Variants in GALM observed in about 807,000 individuals in gnomAD.
GALM encodes aldose 1-epimerase.
Under a neutral mutation model 37.4 loss-of-function variants are expected in GALM, and 43 were observed. That is an observed-to-expected ratio of 1.15 (90% confidence interval 0.90 to 1.48). The LOEUF is 1.48. Among genes scored for constraint, GALM ranks in the 40% most tolerant of loss-of-function variants. The pLI is 0.00. For missense variants in GALM, 456 were observed against 419.1 expected, an observed-to-expected ratio of 1.09 and a Z score of -0.77; for synonymous variants, 199 against 170.6, an observed-to-expected ratio of 1.17 and a Z score of -1.30.
At chr2:38,729,773 C>T in intron 5 of GALM, 76 bp downstream of exon 5, 1 of 1,237,924 alleles carries the variant, frequency 8.1e-7, no homozygotes, top group Non-Finnish European at 1.2e-6. Flanking sequence ...AGCTTTTCCT[C>T]TGGCCATATC....
intron 4 of GALM, among the ~76,000 whole-genome samples, chr2:38,690,174 G>A (rs1273909828): frequency 6.6e-6 from 1 of 152,136 alleles, no homozygotes; most frequent in East Asian, 1.9e-4. Context: ...TGGTGAGTAA[G>A]ATAATACTTT....
At chr2:38,719,634 G>C (rs1200055480) in intron 4 of GALM, among the ~76,000 whole-genome samples, 1 of 151,424 alleles carries the variant, frequency 6.6e-6, no homozygotes, top group African/African-American at 2.4e-5. Context: ...AATTAGCCAG[G>C]TGTGGTGGCG....
At chr2:38,693,635 C>T (rs543054171) in intron 4 of GALM, among the ~76,000 whole-genome samples, 1 of 152,134 alleles carries the variant, frequency 6.6e-6, no homozygotes, top group Non-Finnish European at 1.5e-5. Flanking sequence ...TAAGGTGAAG[C>T]TTTATGATAA....
Position 38,729,581 on chromosome 2 carries a change from TGCA to T in GALM, c.661_663del (p.Ala221del), listed in dbSNP as rs1666556107. 1.2e-6 allele frequency: 2 copies of T among 1,613,562 alleles called. No individual in the cohort carries two copies. Among genetic ancestry groups the T allele is most frequent in the Admixed American group, 3.3e-5 (2 of 59,986 alleles). ...GAGAAGTTGCCCCAGTGCAAGGCACTGCATTCGACCTGAGAAAGCCAGTGGAGC... is the reference window on the plus strand; with the variant it reads ...GAGAAGTTGCCCCAGTGCAAGGCACTTTCGACCTGAGAAAGCCAGTGGAGC... On this transcript the variant is annotated inframe_deletion, in exon 5 of 7. Transcript: ENST00000272252.
At chr2:38,700,070 G>A (rs1280086367) in intron 4 of GALM, among the ~76,000 whole-genome samples, 1 of 152,056 alleles carries the variant, frequency 6.6e-6, no homozygotes, top group Non-Finnish European at 1.5e-5. Context: ...TCGTGCCTCA[G>A]CCTGCCAAGT....
chr2:38,725,239 G>A (rs986306859), intron 4 of GALM, among the ~76,000 whole-genome samples: 1 of 152,080 alleles, frequency 6.6e-6, no homozygotes, highest in Admixed American at 6.6e-5. Context: ...AAGTCTAATT[G>A]TTTCATGAAG....
chr2:38,702,346 A>T (rs754701842), intron 4 of GALM, among the ~76,000 whole-genome samples: 10 of 152,162 alleles, frequency 6.6e-5, no homozygotes, highest in African/African-American at 1.2e-4. Flanking sequence ...AAAATTTAAA[A>T]ATTTTAAAAC....
chr2:38,691,497 C>T (rs1665669966), intron 4 of GALM, among the ~76,000 whole-genome samples: 3 of 151,350 alleles, frequency 2.0e-5, no homozygotes, highest in African/African-American at 7.3e-5. Flanking sequence ...CTGTGCAACA[C>T]AGTGAGATCC....
chr2:38,710,429 A>G (rs754015521), intron 4 of GALM, among the ~76,000 whole-genome samples: 15 of 152,130 alleles, frequency 9.9e-5, no homozygotes, highest in Non-Finnish European at 2.1e-4. Context: ...TTGAGGTGAG[A>G]TCTGTCTACC....
intron 4 of GALM, among the ~76,000 whole-genome samples, chr2:38,713,804 C>T (rs1057121919): frequency 4.6e-5 from 7 of 151,760 alleles, no homozygotes. Flanking sequence ...ACTGAGGAGG[C>T]TGAGGCAGGA....
intron 1 of GALM, chr2:38,668,763 TAAAATAAATA>T (rs1320519392): frequency 6.6e-6 from 1 of 151,050 alleles, no homozygotes. Context: ...ACCCTGTCTC[TAAAATAAATA>T]AAAATAAATA....
intron 4 of GALM, among the ~76,000 whole-genome samples, chr2:38,728,004 T>C (rs1396762148): frequency 6.6e-6 from 1 of 152,166 alleles, no homozygotes; most frequent in Admixed American, 6.5e-5. Context: ...TTTGACCACA[T>C]GAAAGGGAAA....
intron 4 of GALM, among the ~76,000 whole-genome samples, chr2:38,698,840 C>G (rs1314209007): frequency 1.3e-5 from 2 of 152,172 alleles, no homozygotes; most frequent in Non-Finnish European, 2.9e-5. Context: ...AACTCCTGAG[C>G]TCTCAAGTGA....
At chr2:38,675,845 A>G in intron 1 of GALM, 67 bp from the exon 2 acceptor site, 2 of 1,474,952 alleles carry the variant, frequency 1.4e-6, no homozygotes, top group Non-Finnish European at 1.9e-6. Context: ...CTGGGATTAC[A>G]GGTGTGAGCC....
chr2:38,681,293 C>G lies in GALM; in HGVS notation c.359C>G (p.Pro120Arg). ...VRGFDKVLWT[P>R]RVLSNGVQFS... ...ACTTTTTTCCAGGTGCTCTGGACCC[C>G]TCGGGTGCTGTCAAATGGCGTCCAG... The change falls in exon 3 of 7, where the codon CCT (proline) becomes CGT (arginine). Residue 120 changes from proline (P) to arginine (R), a missense_variant. Transcript: ENST00000272252. 1 of 1,613,276 alleles carries G rather than the reference C, an allele frequency of 6.2e-7. No individual in the cohort carries two copies. The highest frequency in any genetic ancestry group is 1.1e-5 in the South Asian group (1 of 91,036).
intron 4 of GALM, among the ~76,000 whole-genome samples, chr2:38,699,954 G>C (rs962496948): frequency 3.3e-5 from 5 of 152,002 alleles, no homozygotes; most frequent in African/African-American, 4.8e-5. Flanking sequence ...CTAAAATGCA[G>C]GGTTTTTTGT....
At position 38,734,001 on chromosome 2, in the gene GALM, C is replaced by T; in HGVS notation, c.*436C>T. 1 of 256,606 alleles carries T rather than the reference C, an allele frequency of 3.9e-6. No individual in the cohort carries two copies. The highest frequency in any genetic ancestry group is 2.2e-5 in the African/African-American group (1 of 45,824). 15.9% of individuals were successfully genotyped at this position (256,606 alleles called of 1,614,324 possible). On this transcript the variant is annotated 3_prime_UTR_variant, in exon 7 of 7. Transcript: ENST00000272252. ...TGGAGTTTTCAAATGTCACATTAGC[C>T]TCACCCTGCATGCTAGGAGATGGAC...
At chr2:38,699,060 C>A (rs1665865770) in intron 4 of GALM, among the ~76,000 whole-genome samples, 1 of 152,080 alleles carries the variant, frequency 6.6e-6, no homozygotes, top group East Asian at 1.9e-4. Flanking sequence ...ATTACAAACG[C>A]CCACCACCAT....
At chr2:38,714,825 A>G (rs1197211679) in intron 4 of GALM, among the ~76,000 whole-genome samples, 2 of 152,256 alleles carry the variant, frequency 1.3e-5, no homozygotes, top group Non-Finnish European at 2.9e-5. Flanking sequence ...TTCAATGGAT[A>G]GTCAACTAGC....
Sources: gnomAD v4.1 joint callset for allele counts (sites outside exome capture counted in the v4.1 genomes callset) on GRCh38, gnomAD v4.1.1 for gene constraint, MANE v1.5 for transcripts, NCBI Gene and HGNC (gene_info 2026-07-23, HGNC 2026-07-21) for gene names.